Variants in MACROD2 observed in about 807,000 individuals in gnomAD.
MACROD2 encodes the protein ADP-ribose glycohydrolase MACROD2.
In MACROD2, 36 loss-of-function variants were observed where a neutral mutation model predicts 70.4. The ratio of observed to expected loss-of-function variants is 0.51; its 90% confidence interval spans 0.39 to 0.68. The LOEUF (loss-of-function observed/expected upper bound fraction) is 0.68. Ranked by LOEUF, MACROD2 falls within the 30% of genes least tolerant of loss-of-function variation. The pLI is 0.00. For synonymous variants in MACROD2, 172 were observed against 178.8 expected, an observed-to-expected ratio of 0.96 and a Z score of 0.30; for missense variants, 496 against 538.4, an observed-to-expected ratio of 0.92 and a Z score of 0.78.
chr20:16,005,319 G>T (rs1192679176), intron 15 of MACROD2, among the ~76,000 whole-genome samples: 2 of 152,178 alleles, frequency 1.3e-5, no homozygotes, highest in African/African-American at 4.8e-5. Context: ...TTGAATTTGA[G>T]GGGCTTATTT....
chr20:15,255,236 T>G (rs576433957), intron 6 of MACROD2, among the ~76,000 whole-genome samples: 8 of 152,190 alleles, frequency 5.3e-5, no homozygotes, highest in Admixed American at 2.0e-4. Flanking sequence ...GTAAGAAGAT[T>G]CTGAGGTTTT....
intron 8 of MACROD2, among the ~76,000 whole-genome samples, chr20:15,817,280 C>T (rs55735914): frequency 0.31 from 46,676 of 152,040 alleles, 7,739 homozygotes; most frequent in African/African-American, 0.4. Flanking sequence ...TAATAAGTGA[C>T]AAGAAAGAAA....
chr20:14,386,814 G>A (rs2083472970), intron 3 of MACROD2, among the ~76,000 whole-genome samples: 1 of 152,176 alleles, frequency 6.6e-6, no homozygotes, highest in African/African-American at 2.4e-5. Context: ...AGCAGTGCAA[G>A]AACAGCCTAA....
chr20:14,882,012 T>G (rs1297000240), intron 5 of MACROD2, among the ~76,000 whole-genome samples: 1 of 152,218 alleles, frequency 6.6e-6, no homozygotes. Context: ...TATGTCTGTT[T>G]ATAAAAGAGG....
chr20:15,338,599 C>T lies in MACROD2; in HGVS notation c.541-92806C>T, dbSNP rs747505463. On this transcript the variant is annotated intron_variant, in intron 6 of 17. Coordinates refer to ENST00000684519, the MANE Select transcript of MACROD2 (RefSeq NM_001351661.2). Reference sequence around the variant, plus strand: ...GCAGGAATTTTTCTAAGGACTTTTCCTTATGTGATTTCATTTAATCATCTG... The same window carrying T: ...GCAGGAATTTTTCTAAGGACTTTTCTTTATGTGATTTCATTTAATCATCTG... 1.3e-4 allele frequency among the ~76,000 whole-genome samples: 19 copies of T among 151,758 alleles called. 1 individual carries two copies. The Middle Eastern group carries it at 0.031, about 245-fold the overall frequency.
chr20:15,453,731 G>A (rs974704890), intron 7 of MACROD2, among the ~76,000 whole-genome samples: 23 of 152,270 alleles, frequency 1.5e-4, no homozygotes, highest in Admixed American at 5.2e-4. Flanking sequence ...CCTTCTCTGG[G>A]ATAAAGAATA....
At chr20:16,003,348 C>CTGTGTG (rs11472125) in intron 15 of MACROD2, among the ~76,000 whole-genome samples, 2,894 of 150,438 alleles carry the variant, frequency 0.019, 37 homozygotes, top group Middle Eastern at 0.027. Flanking sequence ...AGTTTGAACC[C>CTGTGTG]TGTGTGTGTG....
intron 8 of MACROD2, among the ~76,000 whole-genome samples, chr20:15,778,825 T>G (rs2051779432): frequency 6.6e-6 from 1 of 152,070 alleles, no homozygotes; most frequent in Admixed American, 6.6e-5. Context: ...CAGTCATAAT[T>G]GAAGGAACTG....
intron 3 of MACROD2, among the ~76,000 whole-genome samples, chr20:14,490,054 A>T (rs2084777717): frequency 6.6e-6 from 1 of 152,112 alleles, no homozygotes; most frequent in African/African-American, 2.4e-5. Flanking sequence ...ACATAAATTA[A>T]TGTGTTATTG....
chr20:14,171,515 C>G (rs2081220758), intron 3 of MACROD2, among the ~76,000 whole-genome samples: 1 of 152,056 alleles, frequency 6.6e-6, no homozygotes, highest in South Asian at 2.1e-4. Context: ...TGCTGTATCC[C>G]AGAATGTGAT....
chr20:15,376,123 A>G (rs1200742543), intron 6 of MACROD2, among the ~76,000 whole-genome samples: 1 of 152,206 alleles, frequency 6.6e-6, no homozygotes, highest in African/African-American at 2.4e-5. Context: ...GTTAAGAGAC[A>G]GGCAATATTG....
intron 4 of MACROD2, among the ~76,000 whole-genome samples, chr20:14,651,578 C>T (rs1985681654): frequency 6.6e-6 from 1 of 152,182 alleles, no homozygotes; most frequent in Non-Finnish European, 1.5e-5. Flanking sequence ...GTTTTGACCT[C>T]AAGCCTCAAT....
chr20:15,211,003 C>CATTCACAGAGTTGT (rs1257295995), intron 5 of MACROD2, among the ~76,000 whole-genome samples: 1 of 152,162 alleles, frequency 6.6e-6, no homozygotes, highest in Non-Finnish European at 1.5e-5. Flanking sequence ...GGTGTTGGCA[C>CATTCACAGAGTTGT]ATTCACAGAG....
At chr20:15,335,066 G>C (rs926206568) in intron 6 of MACROD2, among the ~76,000 whole-genome samples, 9 of 151,816 alleles carry the variant, frequency 5.9e-5, no homozygotes, top group Admixed American at 3.9e-4. Flanking sequence ...TCAGAGTCTA[G>C]ACTGTTTTCT....
chr20:14,999,493 G>T (rs1384723822), intron 5 of MACROD2, among the ~76,000 whole-genome samples: 1 of 152,064 alleles, frequency 6.6e-6, no homozygotes, highest in African/African-American at 2.4e-5. Context: ...AAAAAATAAA[G>T]AAATTAGCCA....
At chr20:14,435,282 A>G (rs1471681242) in intron 3 of MACROD2, among the ~76,000 whole-genome samples, 2 of 152,130 alleles carry the variant, frequency 1.3e-5, no homozygotes, top group Non-Finnish European at 2.9e-5. Flanking sequence ...GTCTCCTAAT[A>G]GGACAATTGT....
chr20:14,124,026 G>A (rs2054615855), intron 3 of MACROD2, among the ~76,000 whole-genome samples: 1 of 151,936 alleles, frequency 6.6e-6, no homozygotes, highest in African/African-American at 2.4e-5. Flanking sequence ...AGTATCAGTG[G>A]TATTTTTTCC....
chr20:14,921,580 G>C (rs546147780), intron 5 of MACROD2, among the ~76,000 whole-genome samples: 1 of 152,260 alleles, frequency 6.6e-6, no homozygotes. Context: ...GCTAATTTCT[G>C]CTCCAGATGC....
intron 4 of MACROD2, among the ~76,000 whole-genome samples, chr20:14,572,485 C>T (rs1980260629): frequency 1.3e-5 from 2 of 151,826 alleles, no homozygotes; most frequent in South Asian, 4.2e-4. Flanking sequence ...ATAAGAATCT[C>T]GATGGCAGCA....
Sources: allele counts gnomAD v4.1 joint callset (sites outside exome capture counted in the v4.1 genomes callset), GRCh38; gene constraint gnomAD v4.1.1; transcripts MANE v1.5; gene names NCBI Gene and HGNC (gene_info 2026-07-23, HGNC 2026-07-21).